Variants in MYO3A observed in about 807,000 individuals in gnomAD.
MYO3A encodes myosin IIIA, also known as myosin-IIIa.
MYO3A carries 180 observed loss-of-function variants against 192.7 expected under a neutral mutation model. The observed-to-expected ratio is 0.93, with a 90% CI of 0.83 to 1.06. The LOEUF (loss-of-function observed/expected upper bound fraction) is 1.06. Ranked by LOEUF, MYO3A falls within the 50% of genes least tolerant of loss-of-function variation. The pLI, the probability that MYO3A is intolerant of heterozygous loss-of-function variation, is 0.00. For synonymous variants in MYO3A, 628 were observed against 645.3 expected, an observed-to-expected ratio of 0.97 and a Z score of 0.41; for missense variants, 1,896 against 1,905.0, an observed-to-expected ratio of 1.00 and a Z score of 0.09.
intron 17 of MYO3A, among the ~76,000 whole-genome samples, chr10:26,112,642 G>A (rs1838261247): frequency 2.0e-5 from 3 of 151,850 alleles, no homozygotes; most frequent in Admixed American, 1.3e-4. Flanking sequence ...CTCTCTCATT[G>A]GTGTTGACAG....
intron 20 of MYO3A, among the ~76,000 whole-genome samples, chr10:26,139,769 G>A (rs1840048879): frequency 6.6e-6 from 1 of 152,120 alleles, no homozygotes; most frequent in Non-Finnish European, 1.5e-5. Context: ...AGGCACGCCT[G>A]TAATCCCAGC....
chr10:26,067,709 A>G (rs1480867936), intron 11 of MYO3A, among the ~76,000 whole-genome samples: 1 of 152,202 alleles, frequency 6.6e-6, no homozygotes, highest in Non-Finnish European at 1.5e-5. Context: ...GATCCAAGCT[A>G]TTAAATTCTA....
chr10:26,078,645 A>G (rs2131443905), intron 14 of MYO3A, among the ~76,000 whole-genome samples: 1 of 152,144 alleles, frequency 6.6e-6, no homozygotes, highest in South Asian at 2.1e-4. Context: ...GTAAGCATTT[A>G]GGGCTATGAA....
At chr10:26,030,251 G>A (rs1415894738) in intron 10 of MYO3A, among the ~76,000 whole-genome samples, 2 of 151,716 alleles carry the variant, frequency 1.3e-5, no homozygotes, top group Non-Finnish European at 1.5e-5. Flanking sequence ...CCTCTTACCT[G>A]GTGCTTTTGT....
At chr10:26,171,388 A>AC (rs1219864427) in intron 29 of MYO3A, among the ~76,000 whole-genome samples, 1 of 152,086 alleles carries the variant, frequency 6.6e-6, no homozygotes, top group East Asian at 1.9e-4. Context: ...CTTTCCCCAC[A>AC]CACCCACATC....
At chr10:26,171,599 G>A (rs975224056) in intron 29 of MYO3A, among the ~76,000 whole-genome samples, 18 of 152,108 alleles carry the variant, frequency 1.2e-4, no homozygotes, top group Non-Finnish European at 2.2e-4. Flanking sequence ...CAGTTTTTGT[G>A]TATTCTGAGA....
intron 4 of MYO3A, among the ~76,000 whole-genome samples, chr10:25,968,033 C>T (rs1838370700): frequency 6.6e-6 from 1 of 151,982 alleles, no homozygotes; most frequent in African/African-American, 2.4e-5. Context: ...TAAATAATGG[C>T]TGAAATTTTT....
chr10:26,203,124 T>G lies in MYO3A; in HGVS notation c.4730+17T>G. ...TAATGAAAGGTAAAAAGCTAAACTT[T>G]AAAGTACATCATTTGCAGTTTTATA... On this transcript the variant is annotated intron_variant, in intron 34 of 34. Transcript: ENST00000642920. 2 of 1,611,792 alleles carry G rather than the reference T, an allele frequency of 1.2e-6. No homozygotes were observed. The highest frequency in any genetic ancestry group is 1.7e-6 in the Non-Finnish European group (2 of 1,178,312).
chr10:25,940,239 CTA>C (rs546363312), intron 2 of MYO3A, among the ~76,000 whole-genome samples: 330 of 151,076 alleles, frequency 2.2e-3, no homozygotes, highest in African/African-American at 7.3e-3. Flanking sequence ...ACTGCTTTTT[CTA>C]TGTTTCCTTT....
chr10:26,115,043 A>C (rs1838418253), intron 17 of MYO3A, among the ~76,000 whole-genome samples: 1 of 152,200 alleles, frequency 6.6e-6, no homozygotes, highest in Admixed American at 6.5e-5. Flanking sequence ...AAAGAAAACT[A>C]GCTGGAAATG....
intron 4 of MYO3A, among the ~76,000 whole-genome samples, chr10:25,981,322 C>T (rs1163335440): frequency 6.6e-6 from 1 of 151,926 alleles, no homozygotes; most frequent in Non-Finnish European, 1.5e-5. Context: ...GATCACAGAC[C>T]TACCTGTATG....
At chr10:26,123,922 T>A (rs1035092859) in intron 18 of MYO3A, among the ~76,000 whole-genome samples, 172 of 116,650 alleles carry the variant, frequency 1.5e-3, no homozygotes, top group Non-Finnish European at 1.2e-3. Flanking sequence ...CAAGACTCCA[T>A]CTAAAACAAA....
At chr10:26,048,056 G>A (rs1235697992) in intron 10 of MYO3A, among the ~76,000 whole-genome samples, 1 of 152,148 alleles carries the variant, frequency 6.6e-6, no homozygotes, top group East Asian at 1.9e-4. Context: ...GTGCTTTAGA[G>A]TAGATATAAC....
chr10:26,031,100 A>C (rs1251162342), intron 10 of MYO3A, among the ~76,000 whole-genome samples: 2 of 152,242 alleles, frequency 1.3e-5, no homozygotes, highest in African/African-American at 2.4e-5. Context: ...ACAGTTGACT[A>C]TCTGATTTAA....
chr10:26,195,901 G>C (rs143231164), intron 32 of MYO3A, among the ~76,000 whole-genome samples: 2 of 152,318 alleles, frequency 1.3e-5, no homozygotes, highest in East Asian at 3.9e-4. Context: ...CGAGGTCAAG[G>C]AGTTTGCCTA....
intron 10 of MYO3A, among the ~76,000 whole-genome samples, chr10:26,042,255 T>A (rs1047773617): frequency 6.6e-6 from 1 of 152,166 alleles, no homozygotes; most frequent in Non-Finnish European, 1.5e-5. Flanking sequence ...CCTTTCTTTA[T>A]CTTTAACCTT....
chr10:26,207,410 A>G (rs969670525), intron 34 of MYO3A, among the ~76,000 whole-genome samples: 1 of 152,160 alleles, frequency 6.6e-6, no homozygotes, highest in African/African-American at 2.4e-5. Flanking sequence ...CTAATGTTTA[A>G]GTCTCTAATC....
intron 2 of MYO3A, among the ~76,000 whole-genome samples, chr10:25,945,252 C>T (rs1296273019): frequency 6.6e-6 from 1 of 151,870 alleles, no homozygotes; most frequent in Non-Finnish European, 1.5e-5. Context: ...GTTTTCAGTC[C>T]CTTTAAATTC....
At chr10:26,143,829 TTA>T (rs1332622716) in intron 21 of MYO3A, among the ~76,000 whole-genome samples, 1 of 152,240 alleles carries the variant, frequency 6.6e-6, no homozygotes, top group African/African-American at 2.4e-5. Context: ...GGACTTCTCC[TTA>T]TTTTGTGGTG....
Sources: allele counts gnomAD v4.1 joint callset (sites outside exome capture counted in the v4.1 genomes callset), GRCh38; gene constraint gnomAD v4.1.1; transcripts MANE v1.5; gene names NCBI Gene and HGNC (gene_info 2026-07-23, HGNC 2026-07-21).